The following CACNG7 variants were observed in gnomAD, a reference collection of about 807,000 sequenced individuals.
CACNG7 encodes calcium voltage-gated channel auxiliary subunit gamma 7.
CACNG7 carries 9 observed loss-of-function variants against 26.3 expected under a neutral mutation model. The observed-to-expected ratio is 0.34, with a 90% CI of 0.21 to 0.60. The LOEUF is 0.60. Among genes scored for constraint, CACNG7 ranks in the 20% least tolerant of loss-of-function variants. The pLI is 0.81. For synonymous variants in CACNG7, 170 were observed against 157.0 expected, an observed-to-expected ratio of 1.08 and a Z score of -0.62; for missense variants, 297 against 380.4, an observed-to-expected ratio of 0.78 and a Z score of 1.82.
At chr19:53,932,475 A>G (rs567819746) in intron 4 of CACNG7, among the ~76,000 whole-genome samples, 2 of 150,300 alleles carry the variant, frequency 1.3e-5, no homozygotes, top group South Asian at 4.1e-4. Context: ...TCTGAGTTAT[A>G]AGTAGTCTTT....
In CACNG7 at chr19:53,942,034, AG is replaced by A; in HGVS notation, c.574del. On this transcript the variant is annotated splice_acceptor_variant, in intron 5 of 5. Coordinates refer to ENST00000391767, the MANE Select transcript of CACNG7 (RefSeq NM_031896.5). LOFTEE classifies it high-confidence loss of function. This position sits in a 1 kb window ranked among gnomAD's most constrained non-coding sequence, Gnocchi z 5.9. ...TGGGACTCTGACCTTGCCTTGCCGC[AG>A]GGGGCCGGCGTGATGTCCGTGTACC... is the stretch of plus-strand genomic sequence containing the variant. The A allele has an allele frequency of 6.3e-7, 1 of 1,583,242 alleles. No homozygotes were observed. Among genetic ancestry groups the A allele is most frequent in the Non-Finnish European group, 8.6e-7 (1 of 1,159,910 alleles).
intron 1 of CACNG7, among the ~76,000 whole-genome samples, chr19:53,910,088 G>A (rs1003711233): frequency 6.6e-6 from 1 of 152,132 alleles, no homozygotes; most frequent in Non-Finnish European, 1.5e-5. Context: ...GGAGGAATTG[G>A]AGCAAGGTTG....
rs537680429 is a variant in CACNG7 at position 53,933,118 on chromosome 19, C to CT, written c.425-8345dup. 1.9e-3 allele frequency among the ~76,000 whole-genome samples: 295 copies of CT among 151,728 alleles called. 1 individual carries two copies. The highest frequency in any genetic ancestry group is 5.2e-3 in the African/African-American group (216 of 41,412). On this transcript the variant is annotated intron_variant, in intron 4 of 5. Transcript: ENST00000391767. Reference sequence around the variant, plus strand: ...CGTGAGCCACTGAGCCCAGCCTTTTCTTTTTTTGAGACAGAGTCTCACTCT... The same window carrying CT: ...CGTGAGCCACTGAGCCCAGCCTTTTCTTTTTTTTGAGACAGAGTCTCACTCT...
chr19:53,936,068 C>T (rs2145918442), intron 4 of CACNG7, among the ~76,000 whole-genome samples: 1 of 151,054 alleles, frequency 6.6e-6, no homozygotes, highest in East Asian at 1.9e-4. Context: ...TGGAGGATGC[C>T]ATGTGAACCT....
rs1600004619 is a variant in CACNG7, at chr19:53,940,923, T to G, written c.425-547T>G. Among the ~76,000 whole-genome samples, 1 of 148,888 alleles carries G rather than the reference T, an allele frequency of 6.7e-6. No individual in the cohort carries two copies. Among genetic ancestry groups the G allele is most frequent in the African/African-American group, 2.5e-5 (1 of 40,320 alleles). ...TATAAAAAAAAAAATTAGTCGGGAG[T>G]GGTGGCGGGCGCCTGTAATCCCAGC... On this transcript the variant is annotated intron_variant, in intron 4 of 5. Transcript: ENST00000391767. This position sits in a 1 kb window ranked among gnomAD's most constrained non-coding sequence, Gnocchi z 4.1.
In CACNG7 at chr19:53,914,453, A is replaced by G. The variant is rs368647936; in HGVS notation, c.197-47A>G. On this transcript the variant is annotated intron_variant, in intron 2 of 5. Transcript: ENST00000391767. ...CTGCCCCCACCCCCAGCCTCTCTAG[A>G]GCTTAGGAGCCTCTCATCCAGCCCT... 8 of 1,560,400 alleles carry G rather than the reference A, an allele frequency of 5.1e-6. No individual in the cohort carries two copies. In the South Asian group the frequency reaches 9.0e-5, roughly 17 times the overall value.
At chr19:53,924,090 G>T (rs1424076305) in intron 4 of CACNG7, among the ~76,000 whole-genome samples, 1 of 124,930 alleles carries the variant, frequency 8.0e-6, no homozygotes, top group African/African-American at 3.7e-5. Context: ...TGGTGGAGTT[G>T]TCCCCAGGTC....
chr19:53,912,772 G>A lies in CACNG7; in HGVS notation c.-29-31G>A. On this transcript the variant is annotated intron_variant, in intron 1 of 5. Transcript: ENST00000391767. This position sits in a 1 kb window ranked among gnomAD's most constrained non-coding sequence, Gnocchi z 4.6. ...GGTCAAGCACTCTGGTCGGTCCCATGGAGCTCTGCACTGTAGCTTCCCTTC... is the reference window on the plus strand; with the variant it reads ...GGTCAAGCACTCTGGTCGGTCCCATAGAGCTCTGCACTGTAGCTTCCCTTC... 1 of 1,572,772 alleles carries A rather than the reference G, an allele frequency of 6.4e-7. No individual in the cohort carries two copies. Among genetic ancestry groups the A allele is most frequent in the African/African-American group, 1.3e-5 (1 of 74,360 alleles).
chr19:53,912,747 G>A lies in CACNG7; in HGVS notation c.-29-56G>A, dbSNP rs1465191846. ...CCCAGCATCCCGGGTTGCTGCATGG[G>A]GTCAAGCACTCTGGTCGGTCCCATG... On this transcript the variant is annotated intron_variant, in intron 1 of 5. Coordinates refer to ENST00000391767, the MANE Select transcript of CACNG7 (RefSeq NM_031896.5). This position sits in a 1 kb window ranked among gnomAD's most constrained non-coding sequence, Gnocchi z 4.6. The A allele has an allele frequency of 8.6e-5, 121 of 1,404,508 alleles. No homozygotes were observed. In the East Asian group the frequency reaches 2.7e-3, roughly 31 times the overall value. The allele number at this position is 1,404,508 out of a possible 1,614,324, so 87.0% of individuals were successfully genotyped here.
rs534541345 is a variant in CACNG7 at position 53,911,698 on chromosome 19, C to T, written c.-29-1105C>T. Among the ~76,000 whole-genome samples the T allele has an allele frequency of 1.9e-4, 29 of 152,262 alleles. No individual in the cohort carries two copies. The East Asian group carries it at 1.9e-3, about 10-fold the overall frequency. ...TGGCCAGGGTGATGGTGCCCGTTTCCGAACCCACAGGGCTGCGAGAGGACC... is the reference window on the plus strand; with the variant it reads ...TGGCCAGGGTGATGGTGCCCGTTTCTGAACCCACAGGGCTGCGAGAGGACC... On this transcript the variant is annotated intron_variant, in intron 1 of 5. Coordinates refer to ENST00000391767, the MANE Select transcript of CACNG7 (RefSeq NM_031896.5).
chr19:53,941,714 A>C, intron 5 of CACNG7, 99 bp downstream of exon 5: 1 of 1,400,278 alleles, frequency 7.1e-7, no homozygotes, highest in South Asian at 1.3e-5. Flanking sequence ...GGAGATGCAG[A>C]CTCTGGCGTC....
At position 53,939,614 on chromosome 19, in the gene CACNG7, CT is replaced by C. The variant is rs1568785269; in HGVS notation, c.425-1850del. ...GTAGCATGAATCAGTATATCGTTCC[CT>C]TTTTTGGCTGAATAGTATTCCTGTA... On this transcript the variant is annotated intron_variant, in intron 4 of 5. Coordinates refer to ENST00000391767, the MANE Select transcript of CACNG7 (RefSeq NM_031896.5). The surrounding 1 kb of genome is among the most constrained non-coding windows in gnomAD (Gnocchi z 4.2). Among the ~76,000 whole-genome samples, 1 of 152,144 alleles carries C rather than the reference CT, an allele frequency of 6.6e-6. No individual in the cohort carries two copies. Among genetic ancestry groups the C allele is most frequent in the Admixed American group, 6.6e-5 (1 of 15,256 alleles).
intron 4 of CACNG7, 100 bp downstream of exon 4, chr19:53,915,605 G>A: frequency 7.3e-7 from 1 of 1,362,074 alleles, no homozygotes; most frequent in Non-Finnish European, 1.0e-6. Context: ...TGGCCTGGGA[G>A]GAGGTGCAGA....
At chr19:53,934,608 TAA>T (rs750263689) in intron 4 of CACNG7, among the ~76,000 whole-genome samples, 10 of 143,090 alleles carry the variant, frequency 7.0e-5, no homozygotes, top group Admixed American at 7.0e-5. Flanking sequence ...CCCTGTCTCT[TAA>T]AAAAAAAAAA....
chr19:53,938,035 C>G (rs1451858148), intron 4 of CACNG7, among the ~76,000 whole-genome samples: 1 of 152,008 alleles, frequency 6.6e-6, no homozygotes, highest in Non-Finnish European at 1.5e-5. Flanking sequence ...TTGAGGAGTT[C>G]AAGGAAGAGC....
rs529254345 is a variant in CACNG7, at chr19:53,924,537, G to C, written c.424+9032G>C. 1.8e-3 allele frequency among the ~76,000 whole-genome samples: 262 copies of C among 149,432 alleles called. 1 individual carries two copies. Among genetic ancestry groups the C allele is most frequent in the Non-Finnish European group, 3.3e-3 (221 of 67,530 alleles). On this transcript the variant is annotated intron_variant, in intron 4 of 5. Transcript: ENST00000391767. ...TTATTGGTGGAGTTGCCCCAGGTCT[G>C]GTATTGGTGGAGTTGTCCGAGGTCT...
At chr19:53,911,789 A>G (rs896343984) in intron 1 of CACNG7, among the ~76,000 whole-genome samples, 3 of 152,202 alleles carry the variant, frequency 2.0e-5, no homozygotes, top group African/African-American at 7.2e-5. Flanking sequence ...GTGTGATGTC[A>G]TCTTAAATTG....
chr19:53,941,666 G>A (rs1328344443), intron 5 of CACNG7, 51 bp downstream of exon 5: 3 of 1,579,914 alleles, frequency 1.9e-6, no homozygotes, highest in Non-Finnish European at 1.7e-6. Context: ...GAGAGGTCTT[G>A]GGGGCCTGGT....
intron 4 of CACNG7, among the ~76,000 whole-genome samples, chr19:53,930,279 G>T (rs1399304158): frequency 6.7e-6 from 1 of 149,048 alleles, no homozygotes; most frequent in Non-Finnish European, 1.5e-5. Flanking sequence ...TGCCATCTCT[G>T]CTCACTGCAA....
Sources: allele counts gnomAD v4.1 joint callset (sites outside exome capture counted in the v4.1 genomes callset), GRCh38; gene constraint gnomAD v4.1.1; non-coding constraint Gnocchi (gnomAD v3.1); transcripts MANE v1.5; gene names NCBI Gene and HGNC (gene_info 2026-07-23, HGNC 2026-07-21).